Variants in CDH13 observed in about 807,000 individuals in gnomAD.
CDH13 encodes cadherin-13.
In CDH13, 24 loss-of-function variants were observed where a neutral mutation model predicts 63.8. The observed-to-expected ratio is 0.38, with a 90% confidence interval of 0.27 to 0.53. CDH13 has a LOEUF of 0.53. Among genes scored for constraint, CDH13 ranks in the 20% least tolerant of loss-of-function variants. The pLI, the probability that CDH13 is intolerant of heterozygous loss-of-function variation, is 0.85. For synonymous variants in CDH13, 503 were observed against 355.3 expected (o/e 1.42, Z -4.67); for missense variants, 1,049 against 903.1 (o/e 1.16, Z -2.07).
chr16:83,111,821 C>G (rs369589609), intron 3 of CDH13, among the ~76,000 whole-genome samples: 1 of 152,200 alleles, frequency 6.6e-6, no homozygotes, highest in East Asian at 1.9e-4. Context: ...TATGGAATAT[C>G]AAAAACCTAA....
intron 1 of CDH13, among the ~76,000 whole-genome samples, chr16:82,639,774 A>T (rs1909156583): frequency 1.3e-5 from 2 of 152,192 alleles, no homozygotes; most frequent in Admixed American, 1.3e-4. Context: ...AGTGCTTATT[A>T]TGTACCCAGC....
intron 1 of CDH13, chr16:82,723,129 T>G (rs1429604557): frequency 6.6e-6 from 1 of 152,274 alleles, no homozygotes; most frequent in African/African-American, 2.4e-5. Flanking sequence ...GGGAACAGTC[T>G]GGGGAAGGAG....
chr16:83,289,867 T>C (rs1379113648), intron 5 of CDH13, among the ~76,000 whole-genome samples: 1 of 152,202 alleles, frequency 6.6e-6, no homozygotes, highest in Non-Finnish European at 1.5e-5. Flanking sequence ...AATTTCTTTG[T>C]GGGCTGTACT....
At chr16:83,232,227 T>TTTTTTTTA (rs3049884) in intron 5 of CDH13, among the ~76,000 whole-genome samples, 4 of 67,628 alleles carry the variant, frequency 5.9e-5, no homozygotes, top group Non-Finnish European at 1.1e-4. Flanking sequence ...TTTTTTTTTT[T>TTTTTTTTA]AAAAAAAAAA....
intron 1 of CDH13, among the ~76,000 whole-genome samples, chr16:82,688,681 A>T (rs1287095234): frequency 6.6e-6 from 1 of 152,242 alleles, no homozygotes; most frequent in Non-Finnish European, 1.5e-5. Context: ...AGATCCGAGG[A>T]TGATCAAGTG....
rs1555522986 is a variant in CDH13 at position 83,271,422 on chromosome 16, T to TTAAAAAAAAAAAAAAAAAAAAAAAAA, written c.636+53925_636+53926insTAAAAAAAAAAAAAAAAAAAAAAAAA. ...CTACCGCACATTGAGGCAGAGTTCA[T>TTAAAAAAAAAAAAAAAAAAAAAAAAA]AAAAAAAAAAAAAAAAAAAAAAAAA... On this transcript the variant is annotated intron_variant, in intron 5 of 13. Transcript: ENST00000567109. 4.2e-4 allele frequency among the ~76,000 whole-genome samples: 11 copies of TTAAAAAAAAAAAAAAAAAAAAAAAAA among 26,032 alleles called. 2 individuals are homozygous for TTAAAAAAAAAAAAAAAAAAAAAAAAA. The highest frequency in any genetic ancestry group is 6.7e-4 in the African/African-American group (5 of 7,480). The allele number at this position is 26,032 out of a possible 152,430, so 17.1% of individuals were successfully genotyped here.
chr16:82,923,407 T>A (rs573135268), intron 2 of CDH13, among the ~76,000 whole-genome samples: 1 of 152,344 alleles, frequency 6.6e-6, no homozygotes, highest in South Asian at 2.1e-4. Context: ...TTCTTAAGAC[T>A]TTAGAGAGGA....
chr16:82,870,040 C>G (rs2040289862), intron 2 of CDH13, among the ~76,000 whole-genome samples: 1 of 151,920 alleles, frequency 6.6e-6, no homozygotes. Context: ...AAGAGACAAC[C>G]CACAGAATGG....
chr16:83,602,462 A>G lies in CDH13; in HGVS notation c.969A>G (p.Glu323=). The part of the protein sequence containing the change: ...SPALLDRETL[E]NPKYELIIEA... ...GTGCTTGTGCTTTGTAGACTCTGGA[A>G]AATCCCAAGTATGAACTGATCATCG... is the stretch of plus-strand genomic sequence containing the variant. The change falls in exon 8 of 14, where the codon GAA becomes GAG. Residue 323 remains glutamate, a synonymous_variant. Coordinates refer to ENST00000567109, the MANE Select transcript of CDH13 (RefSeq NM_001257.5). 2 of 1,613,998 alleles carry G rather than the reference A, an allele frequency of 1.2e-6. No individual in the cohort carries two copies. Among genetic ancestry groups the G allele is most frequent in the Non-Finnish European group, 1.7e-6 (2 of 1,179,862 alleles).
intron 5 of CDH13, among the ~76,000 whole-genome samples, chr16:83,239,735 A>G (rs140514747): frequency 8.5e-5 from 13 of 152,302 alleles, no homozygotes; most frequent in Non-Finnish European, 1.8e-4. Flanking sequence ...ATCAATCACT[A>G]TTCAAGGCAC....
chr16:83,709,456 C>G (rs1002307531), intron 10 of CDH13, among the ~76,000 whole-genome samples: 8 of 152,248 alleles, frequency 5.3e-5, no homozygotes, highest in Non-Finnish European at 1.0e-4. Flanking sequence ...AAGTTTTCCA[C>G]TCTAGGGGTG....
rs930444055 is a variant in CDH13, at chr16:83,047,174, C to G, written c.366+14956C>G. ...TGAGACCCAAGGAAAGGTCTGCAGA[C>G]TATAAGCAGACTTTATCTGAAGACC... On this transcript the variant is annotated intron_variant, in intron 3 of 13. Transcript: ENST00000567109. This position sits in a 1 kb window ranked among gnomAD's most constrained non-coding sequence, Gnocchi z 4.9. Among the ~76,000 whole-genome samples the G allele has an allele frequency of 7.2e-5, 11 of 152,294 alleles. No homozygotes were observed. The highest frequency in any genetic ancestry group is 6.5e-4 in the Admixed American group (10 of 15,298).
chr16:83,440,784 CA>C (rs34731612), intron 6 of CDH13, among the ~76,000 whole-genome samples: 68,309 of 122,912 alleles, frequency 0.56, 18,677 homozygotes, highest in African/African-American at 0.71. Context: ...GACTTCATCT[CA>C]AAAAAAAAAA....
At chr16:83,483,271 G>A (rs905126188) in intron 6 of CDH13, among the ~76,000 whole-genome samples, 3 of 152,142 alleles carry the variant, frequency 2.0e-5, no homozygotes, top group African/African-American at 7.2e-5. Context: ...TCGTGTCTGG[G>A]TGAAGACAAA....
chr16:83,456,632 T>C (rs982229380), intron 6 of CDH13, among the ~76,000 whole-genome samples: 12 of 152,194 alleles, frequency 7.9e-5, no homozygotes, highest in African/African-American at 2.4e-4. Context: ...GGGCAGGCTA[T>C]GTTTAGGAAG....
intron 7 of CDH13, among the ~76,000 whole-genome samples, chr16:83,514,371 C>T (rs1316189315): frequency 1.3e-5 from 2 of 152,152 alleles, no homozygotes; most frequent in African/African-American, 4.8e-5. Context: ...GGGCCGGGTT[C>T]GGTGGCTCAT....
chr16:83,226,191 C>G (rs1427855995), intron 5 of CDH13, among the ~76,000 whole-genome samples: 1 of 152,184 alleles, frequency 6.6e-6, no homozygotes, highest in Non-Finnish European at 1.5e-5. Context: ...TTTCCAAGCA[C>G]TTCATTTTAT....
chr16:82,668,507 G>T (rs554727624), intron 1 of CDH13, among the ~76,000 whole-genome samples: 1 of 152,228 alleles, frequency 6.6e-6, no homozygotes, highest in South Asian at 2.1e-4. Flanking sequence ...AAACCATTAG[G>T]GCAATGTTTT....
chr16:82,680,868 A>G (rs754958289), intron 1 of CDH13, among the ~76,000 whole-genome samples: 1 of 152,216 alleles, frequency 6.6e-6, no homozygotes, highest in Non-Finnish European at 1.5e-5. Context: ...GGTGGTGGCC[A>G]TAAAGCGAGG....
Sources: gnomAD v4.1 joint callset for allele counts (sites outside exome capture counted in the v4.1 genomes callset) on GRCh38, gnomAD v4.1.1 for gene constraint, Gnocchi (gnomAD v3.1) non-coding constraint, MANE v1.5 for transcripts, NCBI Gene and HGNC (gene_info 2026-07-23, HGNC 2026-07-21) for gene names.